Variants in HTRA3 observed in about 807,000 individuals in gnomAD.
HTRA3 encodes HtrA serine peptidase 3, also known as serine protease HTRA3.
Under a neutral mutation model 43.2 loss-of-function variants are expected in HTRA3, and 41 were observed. The observed-to-expected ratio is 0.95, with a 90% confidence interval of 0.74 to 1.23. The LOEUF (loss-of-function observed/expected upper bound fraction) is 1.23. Among genes scored for constraint, HTRA3 ranks in the 50% most tolerant of loss-of-function variants. The pLI is 0.00. For synonymous variants in HTRA3, 295 were observed against 287.9 expected, an observed-to-expected ratio of 1.02 and a Z score of -0.25; for missense variants, 628 against 647.1, an observed-to-expected ratio of 0.97 and a Z score of 0.32.
At chr4:8,274,707 G>T (rs1000438557) in intron 1 of HTRA3, among the ~76,000 whole-genome samples, 1 of 152,210 alleles carries the variant, frequency 6.6e-6, no homozygotes, top group Admixed American at 6.5e-5. Context: ...ATGCGTTTCT[G>T]AGGGCCTGTG....
chr4:8,296,506 C>G lies in HTRA3; in HGVS notation c.1051+2305C>G, dbSNP rs888602552. 1.0e-6 allele frequency: 1 copy of G among 984,876 alleles called. No individual in the cohort carries two copies. Among genetic ancestry groups the G allele is most frequent in the African/African-American group, 1.7e-5 (1 of 57,186 alleles). 61.0% of individuals were successfully genotyped at this position (984,876 alleles called of 1,614,324 possible). ...TAATCTAAAGTTCTTTGAAATGAAC[C>G]ATCTTTTTATTAAATCAAGGAGATG... On this transcript the variant is annotated intron_variant, in intron 6 of 8. Coordinates refer to ENST00000307358, the MANE Select transcript of HTRA3 (RefSeq NM_053044.5). The surrounding 1 kb of genome is among the most constrained non-coding windows in gnomAD (Gnocchi z 5.3).
intron 3 of HTRA3, among the ~76,000 whole-genome samples, chr4:8,288,874 A>T (rs1262241530): frequency 8.8e-6 from 1 of 114,150 alleles, no homozygotes; most frequent in Non-Finnish European, 1.8e-5. Flanking sequence ...CCCCACCCCC[A>T]AATTTTCCTT....
chr4:8,301,510 TTTA>T (rs1296403615), intron 6 of HTRA3, among the ~76,000 whole-genome samples: 2 of 152,196 alleles, frequency 1.3e-5, no homozygotes, highest in East Asian at 1.9e-4. Context: ...CACTCTCAGC[TTTA>T]TTATTAATTC....
chr4:8,290,122 C>T (rs1713173481), intron 3 of HTRA3, among the ~76,000 whole-genome samples: 2 of 152,360 alleles, frequency 1.3e-5, no homozygotes, highest in South Asian at 2.1e-4. Flanking sequence ...GGCCTGGTTC[C>T]GCCACCTGGC....
At chr4:8,301,319 CTT>C (rs1423196062) in intron 6 of HTRA3, among the ~76,000 whole-genome samples, 1 of 151,312 alleles carries the variant, frequency 6.6e-6, no homozygotes, top group Non-Finnish European at 1.5e-5. Flanking sequence ...TCACACTCAT[CTT>C]TATTATTGAG....
At chr4:8,274,820 T>C (rs916274580) in intron 1 of HTRA3, among the ~76,000 whole-genome samples, 5 of 152,214 alleles carry the variant, frequency 3.3e-5, no homozygotes, top group Admixed American at 2.6e-4. Context: ...GCGCTCAGAA[T>C]GTAGAGCCCC....
intron 1 of HTRA3, among the ~76,000 whole-genome samples, chr4:8,273,563 A>G (rs1249998916): frequency 6.7e-6 from 1 of 149,898 alleles, no homozygotes; most frequent in Non-Finnish European, 1.5e-5. Context: ...TCTGCCATGA[A>G]GTCCTCCCCA....
intron 2 of HTRA3, among the ~76,000 whole-genome samples, chr4:8,284,800 TA>T (rs1712891904): frequency 6.6e-6 from 1 of 152,182 alleles, no homozygotes; most frequent in Admixed American, 6.5e-5. Flanking sequence ...CCTAGGCAAG[TA>T]GTTCAGCGTC....
chr4:8,300,095 C>A (rs1405637062), intron 6 of HTRA3, among the ~76,000 whole-genome samples: 1 of 152,252 alleles, frequency 6.6e-6, no homozygotes, highest in African/African-American at 2.4e-5. Flanking sequence ...CTGCCTTGGC[C>A]TCCCAGAGTG....
chr4:8,273,523 C>A (rs993075917), intron 1 of HTRA3, among the ~76,000 whole-genome samples: 15 of 136,618 alleles, frequency 1.1e-4, no homozygotes, highest in Admixed American at 1.4e-4. Context: ...TCGCCACCCT[C>A]CCCCCCGCAC....
chr4:8,283,005 C>G (rs963415139), intron 2 of HTRA3, among the ~76,000 whole-genome samples: 2 of 152,110 alleles, frequency 1.3e-5, no homozygotes, highest in African/African-American at 4.8e-5. Context: ...AAGTAGGCAC[C>G]CCGGGAGCTG....
At chr4:8,276,890 C>T (rs2153003910) in intron 1 of HTRA3, among the ~76,000 whole-genome samples, 1 of 152,374 alleles carries the variant, frequency 6.6e-6, no homozygotes, top group South Asian at 2.1e-4. Context: ...CCTCTCTAAG[C>T]CTTGTTTCCT....
intron 7 of HTRA3, 49 bp from the exon 8 acceptor site, chr4:8,304,135 A>T (rs1265294062): frequency 6.6e-7 from 1 of 1,507,208 alleles, no homozygotes; most frequent in Admixed American, 1.7e-5. Flanking sequence ...CATACCAAAG[A>T]GCTGGGCAAA....
rs564080591 is a variant in HTRA3 at position 8,279,419 on chromosome 4, C to G, written c.386-3018C>G. Among the ~76,000 whole-genome samples the G allele has an allele frequency of 1.2e-3, 180 of 152,272 alleles. 2 individuals are homozygous for G. The highest frequency in any genetic ancestry group is 3.9e-3 in the African/African-American group (163 of 41,548). ...TTTAAGTGACCTCTGGGAGACCACA[C>G]TGGGGAGAAAGTCCTTCCGGTGGAG... On this transcript the variant is annotated intron_variant, in intron 1 of 8. Transcript: ENST00000307358. This position sits in a 1 kb window ranked among gnomAD's most constrained non-coding sequence, Gnocchi z 7.4.
Position 8,295,333 on chromosome 4 carries a change from AGCCCCCATTTCCTT to A in HTRA3, c.1051+1146_1051+1159del, listed in dbSNP as rs1436688972. Among the ~76,000 whole-genome samples, 1 of 151,752 alleles carries A rather than the reference AGCCCCCATTTCCTT, an allele frequency of 6.6e-6. No individual in the cohort carries two copies. The highest frequency in any genetic ancestry group is 1.5e-5 in the Non-Finnish European group (1 of 67,902). ...CGTCTTTGGAAGTCACCCTCCTCCA[AGCCCCCATTTCCTT>A]GCCCCCATTTCCTCACCCCATCAAA... On this transcript the variant is annotated intron_variant, in intron 6 of 8. Transcript: ENST00000307358. The surrounding 1 kb of genome is among the most constrained non-coding windows in gnomAD (Gnocchi z 6.9).
chr4:8,271,795 C>A (rs768486824), intron 1 of HTRA3, among the ~76,000 whole-genome samples: 2 of 152,176 alleles, frequency 1.3e-5, no homozygotes, highest in Admixed American at 6.5e-5. Context: ...AAGGAGGAAC[C>A]CTTGTGACCT....
chr4:8,294,540 T>C (rs543181833), intron 6 of HTRA3, among the ~76,000 whole-genome samples: 18 of 141,016 alleles, frequency 1.3e-4, no homozygotes. Flanking sequence ...GGCTGCTCTT[T>C]AGTTGTCAGG....
chr4:8,287,442 C>T (rs1713035082), intron 3 of HTRA3, among the ~76,000 whole-genome samples: 1 of 152,190 alleles, frequency 6.6e-6, no homozygotes, highest in Non-Finnish European at 1.5e-5. Flanking sequence ...TTCGTTGACT[C>T]AGAGTTCTGT....
intron 1 of HTRA3, among the ~76,000 whole-genome samples, chr4:8,278,204 GA>G (rs1036010432): frequency 2.0e-5 from 3 of 152,086 alleles, no homozygotes; most frequent in African/African-American, 7.2e-5. Context: ...GGACTCCTGG[GA>G]GTTCCATCAG....
Sources: gnomAD v4.1 joint callset for allele counts (sites outside exome capture counted in the v4.1 genomes callset) on GRCh38, gnomAD v4.1.1 for gene constraint, Gnocchi (gnomAD v3.1) non-coding constraint, MANE v1.5 for transcripts, NCBI Gene and HGNC (gene_info 2026-07-23, HGNC 2026-07-21) for gene names.